Variants in XKR4 observed in about 807,000 individuals in gnomAD.
XKR4 encodes the protein XK-related protein 4.
Under a neutral mutation model 53.9 loss-of-function variants are expected in XKR4, and 12 were observed. That is an observed-to-expected ratio of 0.22 (90% CI 0.14 to 0.36). The LOEUF is 0.36. XKR4 is among the 10% of genes least tolerant of loss of function. The pLI is 1.00. For synonymous variants in XKR4, 354 were observed against 362.4 expected (o/e 0.98, Z 0.26); for missense variants, 799 against 859.5 (o/e 0.93, Z 0.88).
At chr8:55,372,879 G>A (rs995960753) in intron 2 of XKR4, among the ~76,000 whole-genome samples, 9 of 152,148 alleles carry the variant, frequency 5.9e-5, no homozygotes, top group African/African-American at 2.2e-4. Context: ...GAGGGTATAT[G>A]TGTGGAATAG....
At chr8:55,220,149 T>C (rs978002045) in intron 1 of XKR4, among the ~76,000 whole-genome samples, 1 of 152,164 alleles carries the variant, frequency 6.6e-6, no homozygotes, top group Non-Finnish European at 1.5e-5. Flanking sequence ...AATGTATGCA[T>C]AGATAAAAAT....
intron 1 of XKR4, among the ~76,000 whole-genome samples, chr8:55,127,440 A>G (rs1317019693): frequency 1.3e-5 from 2 of 151,594 alleles, no homozygotes; most frequent in African/African-American, 2.4e-5. Flanking sequence ...TTTAGTAGAG[A>G]TGGGGTTTCA....
chr8:55,259,768 C>T (rs1289370016), intron 1 of XKR4, among the ~76,000 whole-genome samples: 1 of 152,156 alleles, frequency 6.6e-6, no homozygotes, highest in Non-Finnish European at 1.5e-5. Flanking sequence ...ATTAATAGTC[C>T]TGAATCCTAA....
At chr8:55,114,084 A>G (rs536204638) in intron 1 of XKR4, among the ~76,000 whole-genome samples, 1 of 152,174 alleles carries the variant, frequency 6.6e-6, no homozygotes, top group South Asian at 2.1e-4. Flanking sequence ...CTTTGGGTAT[A>G]TATCCAGAAA....
intron 1 of XKR4, among the ~76,000 whole-genome samples, chr8:55,261,877 C>CTT (rs1189370917): frequency 6.7e-6 from 1 of 149,314 alleles, no homozygotes; most frequent in African/African-American, 2.5e-5. Context: ...GAAGATTTGG[C>CTT]TTTTTTTTTT....
At chr8:55,410,515 C>T (rs16921766) in intron 2 of XKR4, among the ~76,000 whole-genome samples, 4,079 of 152,280 alleles carry the variant, frequency 0.027, 167 homozygotes, top group African/African-American at 0.092. Flanking sequence ...ACTGGACAGA[C>T]GCTCCACCAG....
At chr8:55,106,791 A>G (rs980991878) in intron 1 of XKR4, among the ~76,000 whole-genome samples, 4 of 151,812 alleles carry the variant, frequency 2.6e-5, no homozygotes, top group Non-Finnish European at 4.4e-5. Context: ...CACTATTCTT[A>G]CTCTTCTGGG....
chr8:55,253,770 G>A (rs886912457), intron 1 of XKR4, among the ~76,000 whole-genome samples: 5 of 123,890 alleles, frequency 4.0e-5, no homozygotes, highest in East Asian at 2.2e-4. Context: ...GTCTCACTCT[G>A]TTGCCCAGGT....
chr8:55,172,120 A>G (rs1331530636), intron 1 of XKR4, among the ~76,000 whole-genome samples: 1 of 151,946 alleles, frequency 6.6e-6, no homozygotes, highest in Non-Finnish European at 1.5e-5. Flanking sequence ...AGGCTGAGGC[A>G]TGAGAATCAC....
intron 2 of XKR4, among the ~76,000 whole-genome samples, chr8:55,480,303 C>T (rs1249567299): frequency 1.3e-5 from 2 of 150,512 alleles, no homozygotes; most frequent in Non-Finnish European, 3.0e-5. Flanking sequence ...ACAAAAACCA[C>T]ATGATTATCT....
chr8:55,502,355 A>G (rs1010621834), intron 2 of XKR4, among the ~76,000 whole-genome samples: 2 of 148,656 alleles, frequency 1.3e-5, no homozygotes, highest in Non-Finnish European at 3.0e-5. Flanking sequence ...AAGTGTTCCT[A>G]TTTCTTCACA....
chr8:55,289,711 AAGAGAGAGAAAG>A, intron 1 of XKR4, among the ~76,000 whole-genome samples: 1 of 104,752 alleles, frequency 9.5e-6, no homozygotes, highest in East Asian at 2.8e-4. Flanking sequence ...GAAAGAAAGA[AAGAGAGAGAAAG>A]AGAAAGAAAG....
Position 55,412,656 on chromosome 8 carries a change from G to C in XKR4, c.1006+54779G>C, listed in dbSNP as rs575459297. Among the ~76,000 whole-genome samples the C allele has an allele frequency of 1.3e-4, 20 of 152,322 alleles. No individual in the cohort carries two copies. The South Asian group carries it at 1.7e-3, about 13-fold the overall frequency. On this transcript the variant is annotated intron_variant, in intron 2 of 2. Coordinates refer to ENST00000327381, the MANE Select transcript of XKR4 (RefSeq NM_052898.2). ...ATATGTAAAACAATGGAAACAAAAA[G>C]TCCTTGAATACCTTCTTGCTAGTCA...
At chr8:55,202,080 A>T (rs1192176124) in intron 1 of XKR4, among the ~76,000 whole-genome samples, 1 of 152,230 alleles carries the variant, frequency 6.6e-6, no homozygotes, top group Non-Finnish European at 1.5e-5. Flanking sequence ...AAATGGTGTG[A>T]AGAGGAAAGA....
Position 55,198,605 on chromosome 8 carries a change from C to T in XKR4, c.806+95311C>T, listed in dbSNP as rs148967941. 2.1e-3 allele frequency among the ~76,000 whole-genome samples: 327 copies of T among 152,094 alleles called. 1 individual carries two copies. The highest frequency in any genetic ancestry group is 7.3e-3 in the African/African-American group (305 of 41,516). ...AAATGGATTCTTACTTTTGGATACA[C>T]TTGTCATCAGTTAGAAAATTATAGT... is the stretch of plus-strand genomic sequence containing the variant. On this transcript the variant is annotated intron_variant, in intron 1 of 2. Transcript: ENST00000327381.
chr8:55,272,778 T>C (rs1235317602), intron 1 of XKR4: 3 of 376,574 alleles, frequency 8.0e-6, no homozygotes, highest in East Asian at 7.2e-5. Context: ...TTAGCTACCA[T>C]TGTGGCAAAT....
intron 1 of XKR4, among the ~76,000 whole-genome samples, chr8:55,141,645 T>TTCTCTCTCTCTATCTCTC (rs1554562787): frequency 8.9e-6 from 1 of 112,016 alleles, no homozygotes; most frequent in Admixed American, 9.1e-5. Context: ...GTGCTTCTGC[T>TTCTCTCTCTCTATCTCTC]TCTCTCTCTC....
intron 2 of XKR4, among the ~76,000 whole-genome samples, chr8:55,457,868 G>A (rs960018497): frequency 3.3e-5 from 5 of 152,152 alleles, no homozygotes; most frequent in African/African-American, 7.2e-5. Context: ...AATCAAAAAA[G>A]AGGAAAGAAA....
chr8:55,476,103 C>A (rs187478825), intron 2 of XKR4, among the ~76,000 whole-genome samples: 1 of 151,954 alleles, frequency 6.6e-6, no homozygotes, highest in Non-Finnish European at 1.5e-5. Flanking sequence ...ATGCTGATAT[C>A]GGGATCACTC....
Sources: gnomAD v4.1 joint callset for allele counts (sites outside exome capture counted in the v4.1 genomes callset) on GRCh38, gnomAD v4.1.1 for gene constraint, MANE v1.5 for transcripts, NCBI Gene and HGNC (gene_info 2026-07-23, HGNC 2026-07-21) for gene names.